Variants in AFF3 observed in about 807,000 individuals in gnomAD.
AFF3 encodes ALF transcription elongation factor 3.
A neutral mutation model predicts 129.7 loss-of-function variants in AFF3; 32 were observed. The observed-to-expected ratio is 0.25, with a 90% confidence interval of 0.19 to 0.33. The LOEUF is 0.33. AFF3 is among the 10% of genes least tolerant of loss of function. The probability of loss-of-function intolerance (pLI) is 1.00; values close to 1 mark genes in which losing one functional copy is unlikely to be tolerated. For synonymous variants in AFF3, 644 were observed against 635.4 expected, an observed-to-expected ratio of 1.01 and a Z score of -0.20; for missense variants, 1,373 against 1,592.0, an observed-to-expected ratio of 0.86 and a Z score of 2.34.
In AFF3 at chr2:99,950,103, G is replaced by A. The variant is rs75997905; in HGVS notation, c.873+56529C>T. Among the ~76,000 whole-genome samples, 200 of 152,278 alleles carry A rather than the reference G, an allele frequency of 1.3e-3. 3 individuals carry two copies. In the East Asian group the frequency reaches 0.035, roughly 26 times the overall value. ...TCTGACACTAGCTATTTGATTTACA[G>A]GAGGCAGGCAACAACACACTACTAA... On this transcript the variant is annotated intron_variant, in intron 7 of 24. Coordinates refer to ENST00000672756, the MANE Select transcript of AFF3 (RefSeq NM_001386135.1).
intron 2 of AFF3, among the ~76,000 whole-genome samples, chr2:100,124,869 C>T (rs1192270513): frequency 1.3e-5 from 2 of 152,200 alleles, no homozygotes; most frequent in East Asian, 3.9e-4. Context: ...AAAATTAGAG[C>T]ATAAAGACAG....
chr2:99,579,897 G>A (rs530105701), intron 17 of AFF3, among the ~76,000 whole-genome samples: 1 of 152,354 alleles, frequency 6.6e-6, no homozygotes, highest in South Asian at 2.1e-4. Context: ...TGGTTTCTCT[G>A]AAGTAATTAA....
At chr2:99,686,582 G>A (rs1047074455) in intron 11 of AFF3, among the ~76,000 whole-genome samples, 6 of 152,156 alleles carry the variant, frequency 3.9e-5, no homozygotes, top group Non-Finnish European at 4.4e-5. Context: ...CTTCTAACAG[G>A]TTCCCAAGCT....
chr2:99,764,955 G>A (rs1682889635), intron 8 of AFF3, among the ~76,000 whole-genome samples: 1 of 152,272 alleles, frequency 6.6e-6, no homozygotes, highest in South Asian at 2.1e-4. Flanking sequence ...GGGGCACTGA[G>A]AGAATTTCCC....
Position 99,741,344 on chromosome 2 carries a change from T to A in AFF3, c.1039+2760A>T, listed in dbSNP as rs552828430. On this transcript the variant is annotated intron_variant, in intron 10 of 24. Coordinates refer to ENST00000672756, the MANE Select transcript of AFF3 (RefSeq NM_001386135.1). ...CCCATTGTCTCAGCCCAAAATCTCC[T>A]TAAGCTGAGAGGCAACTTCAGCAAA... Among the ~76,000 whole-genome samples the A allele has an allele frequency of 8.5e-5, 13 of 152,284 alleles. No individual in the cohort carries two copies. In the East Asian group the frequency reaches 1.7e-3, roughly 20 times the overall value.
intron 16 of AFF3, among the ~76,000 whole-genome samples, chr2:99,586,543 G>A (rs979194855): frequency 4.6e-5 from 7 of 152,166 alleles, no homozygotes; most frequent in Non-Finnish European, 7.3e-5. Flanking sequence ...ATTTCAAAAT[G>A]GAAAGAGCTT....
intron 4 of AFF3, among the ~76,000 whole-genome samples, chr2:100,068,642 A>T (rs1349605848): frequency 2.6e-5 from 4 of 152,192 alleles, no homozygotes; most frequent in Non-Finnish European, 5.9e-5. Context: ...AGTAGAGCAG[A>T]GCTTGCTAAT....
chr2:100,078,939 A>G (rs1026574872), intron 4 of AFF3, among the ~76,000 whole-genome samples: 1 of 126,176 alleles, frequency 7.9e-6, no homozygotes, highest in Non-Finnish European at 1.7e-5. Flanking sequence ...TTTGCTGAAT[A>G]TTTTCTTTTT....
At chr2:99,922,047 GACTA>G (rs1367308197) in intron 7 of AFF3, among the ~76,000 whole-genome samples, 1 of 152,068 alleles carries the variant, frequency 6.6e-6, no homozygotes, top group Non-Finnish European at 1.5e-5. Flanking sequence ...AAATGAAAAA[GACTA>G]ACAACACCAA....
chr2:99,589,379 C>G (rs1170938191), intron 15 of AFF3, among the ~76,000 whole-genome samples: 1 of 151,110 alleles, frequency 6.6e-6, no homozygotes, highest in Non-Finnish European at 1.5e-5. Flanking sequence ...CTGACAACAC[C>G]CCTGCAAAGA....
intron 8 of AFF3, among the ~76,000 whole-genome samples, chr2:99,775,059 C>T (rs577323498): frequency 6.6e-6 from 1 of 152,210 alleles, no homozygotes; most frequent in East Asian, 1.9e-4. Context: ...TCACGTCAGT[C>T]AGAATGGCTA....
intron 20 of AFF3, among the ~76,000 whole-genome samples, chr2:99,562,189 G>A (rs1355890122): frequency 6.6e-6 from 1 of 152,164 alleles, no homozygotes; most frequent in Admixed American, 6.5e-5. Context: ...TCTTAAATCT[G>A]TAGGTTTATG....
chr2:99,594,385 T>C (rs1679081486), intron 14 of AFF3, 96 bp from the exon 15 acceptor site: 5 of 1,487,766 alleles, frequency 3.4e-6, no homozygotes, highest in East Asian at 4.6e-5. Flanking sequence ...CTTCTCTAAG[T>C]ATATGAGCAG....
intron 11 of AFF3, among the ~76,000 whole-genome samples, chr2:99,676,065 C>T (rs1337043727): frequency 6.6e-6 from 1 of 151,356 alleles, no homozygotes; most frequent in Non-Finnish European, 1.5e-5. Context: ...CACGGAAGGA[C>T]TAGCCATCTG....
chr2:99,875,908 T>A (rs1023379665), intron 7 of AFF3, among the ~76,000 whole-genome samples: 1 of 152,188 alleles, frequency 6.6e-6, no homozygotes, highest in Non-Finnish European at 1.5e-5. Flanking sequence ...ACGATCTGCA[T>A]GTTGCTGAAT....
At chr2:100,134,413 T>C (rs1410221545) in intron 1 of AFF3, among the ~76,000 whole-genome samples, 1 of 152,240 alleles carries the variant, frequency 6.6e-6, no homozygotes, top group African/African-American at 2.4e-5. Context: ...GAGCTCCTTA[T>C]ATATGAAGGA....
At chr2:99,865,063 C>T (rs1298542270) in intron 7 of AFF3, among the ~76,000 whole-genome samples, 2 of 152,200 alleles carry the variant, frequency 1.3e-5, no homozygotes, top group East Asian at 1.9e-4. Flanking sequence ...CTGCAACACT[C>T]AGTGTATTTG....
At chr2:99,655,244 ACACACACACAC>A (rs1281300281) in intron 12 of AFF3, among the ~76,000 whole-genome samples, 5 of 151,690 alleles carry the variant, frequency 3.3e-5, no homozygotes, top group Non-Finnish European at 7.4e-5. Flanking sequence ...ACACACACAC[ACACACACACAC>A]ACACACACAC....
chr2:99,789,003 T>C (rs1034000127), intron 8 of AFF3, among the ~76,000 whole-genome samples: 2 of 152,190 alleles, frequency 1.3e-5, no homozygotes. Context: ...TAGTAGGCTA[T>C]ACCATCTTAG....
Sources: gnomAD v4.1 joint callset for allele counts (sites outside exome capture counted in the v4.1 genomes callset) on GRCh38, gnomAD v4.1.1 for gene constraint, MANE v1.5 for transcripts, NCBI Gene and HGNC (gene_info 2026-07-23, HGNC 2026-07-21) for gene names.